The following FSCN2 variants were observed in gnomAD, a reference collection of about 807,000 sequenced individuals.
FSCN2 encodes fascin actin-bundling protein 2, retinal.
FSCN2 carries 46 observed loss-of-function variants against 37.8 expected under a neutral mutation model. The observed-to-expected ratio is 1.22, with a 90% CI of 0.96 to 1.56. FSCN2 has a LOEUF of 1.56. Ranked by LOEUF, FSCN2 falls within the 40% of genes most tolerant of loss-of-function variation. The probability of loss-of-function intolerance (pLI) is 0.00; values close to 1 mark genes in which losing one functional copy is unlikely to be tolerated. For synonymous variants in FSCN2, 351 were observed against 309.4 expected, an observed-to-expected ratio of 1.13 and a Z score of -1.41; for missense variants, 844 against 730.4, an observed-to-expected ratio of 1.16 and a Z score of -1.79.
chr17:81,526,170 C>T (rs578259646), upstream of FSCN2, among the ~76,000 whole-genome samples: 42 of 152,322 alleles, frequency 2.8e-4, no homozygotes, highest in African/African-American at 9.6e-4. Context: ...CTAATGAGGC[C>T]GTCGTGCCAA....
upstream of FSCN2, chr17:81,527,349 C>A (rs2032381596): frequency 6.6e-6 from 1 of 152,232 alleles, no homozygotes; most frequent in African/African-American, 2.4e-5. Flanking sequence ...GAAGAGGACA[C>A]CGGGCTGGCC....
At chr17:81,527,139 G>C (rs1295637656), upstream of FSCN2, 2 of 152,438 alleles carry the variant, frequency 1.3e-5, no homozygotes, top group Non-Finnish European at 2.9e-5. Context: ...CCATGGCCCT[G>C]CCCACCTCTG....
chr17:81,528,160 C>T (rs2032411305), upstream of FSCN2, among the ~76,000 whole-genome samples: 1 of 152,196 alleles, frequency 6.6e-6, no homozygotes, highest in Non-Finnish European at 1.5e-5. Flanking sequence ...GCGCTGGGCC[C>T]ACGCTATGAG....
the FSCN2 span, among the ~76,000 whole-genome samples, chr17:81,522,454 G>T: frequency 6.6e-6 from 1 of 152,250 alleles, no homozygotes; most frequent in African/African-American, 2.4e-5. Flanking sequence ...TGGTGACCAT[G>T]TGCAGAGCCC....
intron 1 of FSCN2, among the ~76,000 whole-genome samples, chr17:81,533,216 C>T (rs1435815668): frequency 6.6e-6 from 1 of 152,188 alleles, no homozygotes; most frequent in Non-Finnish European, 1.5e-5. Context: ...GGAGTGAGCA[C>T]CCAGGCTTGC....
intron 2 of FSCN2, 94 bp from the exon 3 acceptor site, chr17:81,536,052 G>A (rs1418342187): frequency 5.4e-6 from 8 of 1,480,920 alleles, no homozygotes; most frequent in Non-Finnish European, 7.3e-6. Context: ...GCAGGCTTCT[G>A]TCCCACTCCT....
chr17:81,533,060 C>A (rs1568080237), intron 1 of FSCN2, among the ~76,000 whole-genome samples: 1 of 152,148 alleles, frequency 6.6e-6, no homozygotes, highest in African/African-American at 2.4e-5. Context: ...GGGCATGGAA[C>A]CTCACGGCTT....
the FSCN2 span, among the ~76,000 whole-genome samples, chr17:81,519,454 C>T: frequency 6.6e-6 from 1 of 152,150 alleles, no homozygotes; most frequent in Non-Finnish European, 1.5e-5. Context: ...CGGGAGATGG[C>T]GCCCGTGGAG....
chr17:81,536,786 C>T lies in FSCN2; in HGVS notation c.1270C>T (p.Arg424Ter), dbSNP rs776077090. ...LSFSDGAYRI[R>*]GRDGGFWYTG... is the part of the protein sequence containing the mutation. Reference sequence around the variant, plus strand: ...CTTCAGCGACGGCGCCTACCGGATCCGAGGTGCGTGGCGGGGCGGGTGGGC... The same window carrying T: ...CTTCAGCGACGGCGCCTACCGGATCTGAGGTGCGTGGCGGGGCGGGTGGGC... The change falls in exon 4 of 5, where the codon CGA becomes TGA. Residue 424 changes from arginine (R) to a stop codon, truncating the protein, a stop_gained. Coordinates refer to ENST00000417245, the MANE Select transcript of FSCN2 (RefSeq NM_012418.4). LOFTEE classifies it low-confidence loss of function (END_TRUNC). 5 of 1,589,678 alleles carry T rather than the reference C, an allele frequency of 3.1e-6. No individual in the cohort carries two copies. Among genetic ancestry groups the T allele is most frequent in the Admixed American group, 1.7e-5 (1 of 58,226 alleles).
chr17:81,525,425 C>CAAAAAAAAAAAAAGAAAAA (rs2032321631), upstream of FSCN2, among the ~76,000 whole-genome samples: 1 of 47,856 alleles, frequency 2.1e-5, no homozygotes, highest in African/African-American at 8.3e-5. Flanking sequence ...GACTCTGTCT[C>CAAAAAAAAAAAAAGAAAAA]AAAAAAAAAA....
chr17:81,520,672 C>CT, the FSCN2 span, among the ~76,000 whole-genome samples: 2 of 152,238 alleles, frequency 1.3e-5, no homozygotes, highest in South Asian at 4.1e-4. Context: ...CTCTTGCTGG[C>CT]ACTGCTGCTG....
At chr17:81,532,344 ATGATAGTGATGGTGGTGATGG>A (rs1455746729) in intron 1 of FSCN2, among the ~76,000 whole-genome samples, 1 of 124,884 alleles carries the variant, frequency 8.0e-6, no homozygotes, top group Non-Finnish European at 1.6e-5. Flanking sequence ...GGTGATGATG[ATGATAGTGATGGTGGTGATGG>A]TGATGGTGAT....
At chr17:81,517,327 C>T in the FSCN2 span, among the ~76,000 whole-genome samples, 291 of 152,252 alleles carry the variant, frequency 1.9e-3, 2 homozygotes, top group African/African-American at 6.8e-3. Flanking sequence ...GTGCCTGCCA[C>T]GTGACCTCTC....
chr17:81,532,389 A>ATGATGG (rs1820691322), intron 1 of FSCN2, among the ~76,000 whole-genome samples: 1 of 118,006 alleles, frequency 8.5e-6, no homozygotes, highest in African/African-American at 4.5e-5. Flanking sequence ...AGTGATGGCG[A>ATGATGG]TGATGGTGAT....
Position 81,528,889 on chromosome 17 carries a change from T to C in FSCN2, c.358T>C (p.Cys120Arg), listed in dbSNP as rs952258212. The C allele has an allele frequency of 3.2e-6, 5 of 1,576,478 alleles. No homozygotes were observed. The highest frequency in any genetic ancestry group is 4.3e-6 in the Non-Finnish European group (5 of 1,164,576). The change falls in exon 1 of 5, where the codon TGC becomes CGC. Residue 120 changes from cysteine (C) to arginine (R), a missense_variant. By Grantham distance (180) the Cys-to-Arg change is radical. Transcript: ENST00000417245. ...CGGAGGCACCGAGGACCAGCTGTCC[T>C]GCTTCGCCACAGCCGTTTCCCCGGC... ...FFGGTEDQLS[C>R]FATAVSPAEL...
chr17:81,517,770 C>CCG, the FSCN2 span, among the ~76,000 whole-genome samples: 1 of 151,070 alleles, frequency 6.6e-6, no homozygotes, highest in Non-Finnish European at 1.5e-5. Context: ...GCCCCCCCCC[C>CCG]CTCCAGTCCC....
intron 2 of FSCN2, 71 bp from the exon 3 acceptor site, chr17:81,536,075 A>T: frequency 1.3e-6 from 2 of 1,544,680 alleles, no homozygotes; most frequent in Non-Finnish European, 1.8e-6. Flanking sequence ...GAACCTGAGG[A>T]GGATGGGGAA....
chr17:81,526,429 G>A (rs191115756), upstream of FSCN2, among the ~76,000 whole-genome samples: 85 of 152,292 alleles, frequency 5.6e-4, 1 homozygote, highest in East Asian at 0.012. Flanking sequence ...TCAGGAGTTC[G>A]AGACCAGCCT....
chr17:81,532,377 A>ATGGTGG (rs2032705617), intron 1 of FSCN2, among the ~76,000 whole-genome samples: 2 of 135,554 alleles, frequency 1.5e-5, no homozygotes, highest in African/African-American at 5.8e-5. Flanking sequence ...GATGGTGATG[A>ATGGTGG]TAGTGATGGC....
Sources: allele counts gnomAD v4.1 joint callset (sites outside exome capture counted in the v4.1 genomes callset), GRCh38; gene constraint gnomAD v4.1.1; transcripts MANE v1.5; gene names NCBI Gene and HGNC (gene_info 2026-07-23, HGNC 2026-07-21).